The following CAST variants were observed in gnomAD, a reference collection of about 807,000 sequenced individuals.
The protein encoded by CAST is MIR583 host.
A neutral mutation model predicts 119.6 loss-of-function variants in CAST; 76 were observed. That is an observed-to-expected ratio of 0.64 (90% CI 0.53 to 0.77). The LOEUF is 0.77. Among genes scored for constraint, CAST ranks in the 30% least tolerant of loss-of-function variants. The probability of loss-of-function intolerance (pLI) is 0.00; values close to 1 mark genes in which losing one functional copy is unlikely to be tolerated. For missense variants in CAST, 953 were observed against 946.5 expected, an observed-to-expected ratio of 1.01 and a Z score of -0.09; for synonymous variants, 319 against 331.6, an observed-to-expected ratio of 0.96 and a Z score of 0.41.
chr5:96,274,558 A>G, the CAST span, among the ~76,000 whole-genome samples: 1 of 152,220 alleles, frequency 6.6e-6, no homozygotes, highest in Non-Finnish European at 1.5e-5. Flanking sequence ...AATGTGTTCA[A>G]TTCCAGTTTG....
At chr5:96,647,714 G>A (rs761395702) in intron 1 of CAST, among the ~76,000 whole-genome samples, 16 of 152,282 alleles carry the variant, frequency 1.1e-4, no homozygotes, top group Admixed American at 5.2e-4. Flanking sequence ...CACCGTGTGA[G>A]AGTGGAATTA....
the CAST span, among the ~76,000 whole-genome samples, chr5:96,259,329 C>A: frequency 6.6e-6 from 1 of 152,140 alleles, no homozygotes; most frequent in Non-Finnish European, 1.5e-5. Context: ...TTTGAGATGG[C>A]ACAGGAAGGA....
chr5:96,297,547 G>A, the CAST span, among the ~76,000 whole-genome samples: 1 of 152,004 alleles, frequency 6.6e-6, no homozygotes, highest in African/African-American at 2.4e-5. Flanking sequence ...GATTTTTGCA[G>A]CAACTCTATC....
chr5:96,750,537 A>C (rs748761382), intron 19 of CAST, 50 bp from the exon 20 acceptor site: 1 of 1,208,196 alleles, frequency 8.3e-7, no homozygotes, highest in East Asian at 2.3e-5. Context: ...ACTCAGTCTT[A>C]TTAACCAAAT....
intron 18 of CAST, 45 bp from the exon 19 acceptor site, chr5:96,748,473 T>C: frequency 2.1e-6 from 2 of 945,824 alleles, no homozygotes; most frequent in South Asian, 1.8e-5. Flanking sequence ...TTTTACAAAA[T>C]AAAAAAGAGT....
chr5:96,327,053 G>A, the CAST span, among the ~76,000 whole-genome samples: 1 of 152,134 alleles, frequency 6.6e-6, no homozygotes, highest in Non-Finnish European at 1.5e-5. Flanking sequence ...ATGGGCAAGG[G>A]GATGGTTTTG....
the CAST span, among the ~76,000 whole-genome samples, chr5:96,096,005 T>C: frequency 6.6e-6 from 1 of 152,160 alleles, no homozygotes; most frequent in African/African-American, 2.4e-5. Flanking sequence ...ACATCAGCTA[T>C]TCAGATGGAA....
chr5:96,354,956 A>G, the CAST span, among the ~76,000 whole-genome samples: 21 of 151,952 alleles, frequency 1.4e-4, no homozygotes, highest in African/African-American at 4.8e-4. Flanking sequence ...TATTTTGGTC[A>G]GTACAGATTT....
chr5:96,767,590 G>A, intron 28 of CAST, 108 bp downstream of exon 28: 2 of 780,640 alleles, frequency 2.6e-6, no homozygotes, highest in East Asian at 5.2e-5. Flanking sequence ...TCTGTGCCTG[G>A]TACTTTGTCA....
chr5:96,749,402 T>C (rs924714147), intron 19 of CAST, among the ~76,000 whole-genome samples: 4 of 152,248 alleles, frequency 2.6e-5, no homozygotes, highest in African/African-American at 9.6e-5. Flanking sequence ...CAAGTTTAAA[T>C]GGGTAGTAAG....
At chr5:96,683,401 T>G (rs1751684686) in intron 2 of CAST, among the ~76,000 whole-genome samples, 3 of 152,202 alleles carry the variant, frequency 2.0e-5, no homozygotes, top group African/African-American at 7.2e-5. Context: ...AGAGACAATA[T>G]TTTATACCAG....
the CAST span, among the ~76,000 whole-genome samples, chr5:96,192,508 T>G: frequency 6.6e-6 from 1 of 152,172 alleles, no homozygotes; most frequent in Non-Finnish European, 1.5e-5. Flanking sequence ...TTTGAGAAAT[T>G]TTATAGAATG....
the CAST span, among the ~76,000 whole-genome samples, chr5:96,226,868 A>G: frequency 2.7e-3 from 411 of 152,286 alleles, 1 homozygote; most frequent in Non-Finnish European, 4.2e-3. Context: ...TTACAATGTA[A>G]CAGCTAAATA....
rs1770535270 is a variant in CAST at position 96,767,772 on chromosome 5, T to G, written c.2176-135T>G. 4 of 639,116 alleles carry G rather than the reference T, an allele frequency of 6.3e-6. No individual in the cohort carries two copies. The South Asian group carries it at 7.8e-5, about 12-fold the overall frequency. The allele number at this position is 639,116 out of a possible 1,614,324, so 39.6% of individuals were successfully genotyped here. ...TTTTTCTATCTCCTTTACAATACAT[T>G]ATTATTAATAAAGAATGTCAGTCAG... On this transcript the variant is annotated intron_variant, in intron 28 of 31. Coordinates refer to ENST00000675179, the MANE Select transcript of CAST (RefSeq NM_001750.7).
chr5:96,549,230 A>G (rs867194439), intron 1 of CAST, among the ~76,000 whole-genome samples: 8 of 152,230 alleles, frequency 5.3e-5, no homozygotes, highest in Admixed American at 1.3e-4. Context: ...AATGGTATGG[A>G]CCAAAATTTC....
chr5:96,303,062 T>C, the CAST span, among the ~76,000 whole-genome samples: 2 of 152,206 alleles, frequency 1.3e-5, no homozygotes, highest in African/African-American at 2.4e-5. Flanking sequence ...TTCAACTGGC[T>C]TAAGGTTCCA....
the CAST span, among the ~76,000 whole-genome samples, chr5:96,209,521 T>C: frequency 6.6e-6 from 1 of 152,032 alleles, no homozygotes; most frequent in Non-Finnish European, 1.5e-5. Context: ...TGATAATTAA[T>C]TCCTTTAGTG....
chr5:96,169,257 G>A, the CAST span, among the ~76,000 whole-genome samples: 1 of 152,168 alleles, frequency 6.6e-6, no homozygotes, highest in Non-Finnish European at 1.5e-5. Context: ...GTGAAGCCTT[G>A]CAGCAGTACA....
the CAST span, among the ~76,000 whole-genome samples, chr5:96,195,411 C>T: frequency 6.6e-6 from 1 of 152,154 alleles, no homozygotes; most frequent in Non-Finnish European, 1.5e-5. Context: ...CTGAGGAATC[C>T]ATATGTTCAG....
Sources: gnomAD v4.1 joint callset for allele counts (sites outside exome capture counted in the v4.1 genomes callset) on GRCh38, gnomAD v4.1.1 for gene constraint, MANE v1.5 for transcripts, NCBI Gene and HGNC (gene_info 2026-07-23, HGNC 2026-07-21) for gene names.